Variants in DGKI observed in about 807,000 individuals in gnomAD.
DGKI encodes the protein diacylglycerol kinase iota.
DGKI carries 55 observed loss-of-function variants against 147.5 expected under a neutral mutation model. The observed-to-expected ratio is 0.37, with a 90% confidence interval of 0.30 to 0.47. DGKI has a LOEUF of 0.47. Ranked by LOEUF, DGKI falls within the 20% of genes least tolerant of loss-of-function variation. DGKI has a pLI of 1.00. For missense variants in DGKI, 1,007 were observed against 1,323.8 expected (o/e 0.76, Z 3.71); for synonymous variants, 469 against 477.1 (o/e 0.98, Z 0.22).
At chr7:137,744,254 A>C (rs1172622969) in intron 1 of DGKI, among the ~76,000 whole-genome samples, 2 of 152,194 alleles carry the variant, frequency 1.3e-5, no homozygotes, top group African/African-American at 4.8e-5. Context: ...AATTACTGTG[A>C]ATATCTCTAT....
Position 137,703,075 on chromosome 7 carries a change from T to C in DGKI, c.402-13073A>G, listed in dbSNP as rs1227182807. Among the ~76,000 whole-genome samples the C allele has an allele frequency of 2.0e-5, 3 of 152,082 alleles. No individual in the cohort carries two copies. The East Asian group carries it at 5.8e-4, about 29-fold the overall frequency. On this transcript the variant is annotated intron_variant, in intron 1 of 32. Coordinates refer to ENST00000614521, the MANE Select transcript of DGKI (RefSeq NM_001321708.2). Reference sequence around the variant, plus strand: ...CTATAAAGAACTACCTGAGAGTGGGTAATTTATGAAAAAAAAGAGGTTTAA... The same window carrying C: ...CTATAAAGAACTACCTGAGAGTGGGCAATTTATGAAAAAAAAGAGGTTTAA...
intron 32 of DGKI, among the ~76,000 whole-genome samples, chr7:137,392,169 T>C (rs1421980260): frequency 2.0e-5 from 3 of 152,218 alleles, no homozygotes; most frequent in Non-Finnish European, 4.4e-5. Flanking sequence ...TAAATGATCA[T>C]ATAATTTCTT....
At chr7:137,702,051 GAGA>G (rs1824002626) in intron 1 of DGKI, among the ~76,000 whole-genome samples, 1 of 152,120 alleles carries the variant, frequency 6.6e-6, no homozygotes, top group Non-Finnish European at 1.5e-5. Flanking sequence ...ATCCAATGGA[GAGA>G]AGGTCTTTTC....
At chr7:137,512,722 C>T (rs1453244491) in intron 21 of DGKI, among the ~76,000 whole-genome samples, 1 of 152,150 alleles carries the variant, frequency 6.6e-6, no homozygotes, top group Non-Finnish European at 1.5e-5. Flanking sequence ...TCATTTTAGG[C>T]CCAGTTCTTT....
chr7:137,798,063 A>G (rs749256834), intron 1 of DGKI, among the ~76,000 whole-genome samples: 1 of 152,172 alleles, frequency 6.6e-6, no homozygotes. Flanking sequence ...ACTATAAACA[A>G]CTATATGCCA....
At chr7:137,431,052 A>G (rs1196255286) in intron 28 of DGKI, among the ~76,000 whole-genome samples, 1 of 152,138 alleles carries the variant, frequency 6.6e-6, no homozygotes, top group Non-Finnish European at 1.5e-5. Flanking sequence ...TTAAATATAT[A>G]GCAGAAAGAC....
At position 137,846,785 on chromosome 7, in the gene DGKI, G is replaced by GGCGGCGGCGGCT; in HGVS notation, c.77_78insAGCCGCCGCCGC (p.Ala28_Ala31dup). Reference sequence around the variant, plus strand: ...CGGGCGGGCTGGCGGCGGCGGCGGCGGCGGCTGCAGGAGCGCGGGCAGGTC... The same window carrying GGCGGCGGCGGCT: ...CGGGCGGGCTGGCGGCGGCGGCGGCGGCGGCGGCGGCTGCGGCTGCAGGAGCGCGGGCAGGTC... On this transcript the variant is annotated inframe_insertion, in exon 1 of 33. Transcript: ENST00000614521. The surrounding 1 kb of genome is among the most constrained non-coding windows in gnomAD (Gnocchi z 4.0). 1 of 1,093,824 alleles carries GGCGGCGGCGGCT rather than the reference G, an allele frequency of 9.1e-7. No individual in the cohort carries two copies. Among genetic ancestry groups the GGCGGCGGCGGCT allele is most frequent in the East Asian group, 5.1e-5 (1 of 19,706 alleles). 67.8% of individuals were successfully genotyped at this position (1,093,824 alleles called of 1,614,324 possible).
intron 1 of DGKI, among the ~76,000 whole-genome samples, chr7:137,758,870 T>G (rs1795768864): frequency 6.6e-6 from 1 of 152,116 alleles, no homozygotes; most frequent in Admixed American, 6.5e-5. Flanking sequence ...TCATACCATT[T>G]TTTTACTTTT....
At chr7:137,828,989 A>C (rs1791096223) in intron 1 of DGKI, among the ~76,000 whole-genome samples, 1 of 152,232 alleles carries the variant, frequency 6.6e-6, no homozygotes, top group African/African-American at 2.4e-5. Flanking sequence ...CCTCTTACCC[A>C]AATTTTAGGA....
At chr7:137,630,196 A>G (rs1821080708) in intron 6 of DGKI, among the ~76,000 whole-genome samples, 1 of 152,174 alleles carries the variant, frequency 6.6e-6, no homozygotes, top group Non-Finnish European at 1.5e-5. Context: ...CATTAATAAA[A>G]GACTCTGAAA....
chr7:137,827,572 C>G (rs528631869), intron 1 of DGKI, among the ~76,000 whole-genome samples: 1 of 152,208 alleles, frequency 6.6e-6, no homozygotes, highest in Non-Finnish European at 1.5e-5. Context: ...TCCAAGAAAA[C>G]TTCTCCCAAA....
intron 14 of DGKI, among the ~76,000 whole-genome samples, chr7:137,584,462 C>A (rs557240601): frequency 2.0e-5 from 3 of 152,116 alleles, no homozygotes; most frequent in Non-Finnish European, 4.4e-5. Flanking sequence ...GTTTGCTTTT[C>A]GGTTGAAATA....
At chr7:137,418,287 T>C (rs1443433261) in intron 28 of DGKI, among the ~76,000 whole-genome samples, 1 of 152,228 alleles carries the variant, frequency 6.6e-6, no homozygotes, top group Non-Finnish European at 1.5e-5. Context: ...TTTGAGGCTC[T>C]GCCTTGCAAA....
intron 27 of DGKI, among the ~76,000 whole-genome samples, chr7:137,445,549 TG>T (rs1232290689): frequency 6.6e-6 from 1 of 152,312 alleles, no homozygotes. Flanking sequence ...CCTTTCTCAC[TG>T]GGTTGTAACC....
chr7:137,614,168 T>G (rs1417684243), intron 8 of DGKI, among the ~76,000 whole-genome samples: 4 of 152,116 alleles, frequency 2.6e-5, no homozygotes, highest in Non-Finnish European at 4.4e-5. Flanking sequence ...CAGGCTGTAT[T>G]AAGGAAAGAG....
At chr7:137,447,150 A>T (rs1255142585) in intron 27 of DGKI, among the ~76,000 whole-genome samples, 1 of 152,210 alleles carries the variant, frequency 6.6e-6, no homozygotes, top group Non-Finnish European at 1.5e-5. Flanking sequence ...CAGCAAAATA[A>T]TACAAAACAA....
In DGKI at chr7:137,677,722, A is replaced by AT. The variant is rs869060828; in HGVS notation, c.606+834dup. On this transcript the variant is annotated intron_variant, in intron 3 of 32. Coordinates refer to ENST00000614521, the MANE Select transcript of DGKI (RefSeq NM_001321708.2). Reference sequence around the variant, plus strand: ...TATTTCTTTCACATAATAAACAAATATTTTTTTAAAAAAGAAAAAAGCATT... The same window carrying AT: ...TATTTCTTTCACATAATAAACAAATATTTTTTTTAAAAAAGAAAAAAGCATT... Among the ~76,000 whole-genome samples, 143 of 152,300 alleles carry AT rather than the reference A, an allele frequency of 9.4e-4. 1 individual carries two copies. Among genetic ancestry groups the AT allele is most frequent in the Non-Finnish European group, 1.4e-3 (92 of 68,022 alleles).
intron 1 of DGKI, chr7:137,722,211 C>T (rs972327709): frequency 8.1e-6 from 13 of 1,599,734 alleles, no homozygotes; most frequent in East Asian, 2.2e-5. Context: ...AGTACTCAGC[C>T]GCTAAATCCA....
At chr7:137,398,994 AG>A (rs1811651942) in intron 30 of DGKI, among the ~76,000 whole-genome samples, 1 of 110,208 alleles carries the variant, frequency 9.1e-6, no homozygotes, top group Non-Finnish European at 2.0e-5. Flanking sequence ...ATTTGTTCCC[AG>A]GGTTCCATTT....
Sources: allele counts gnomAD v4.1 joint callset (sites outside exome capture counted in the v4.1 genomes callset), GRCh38; gene constraint gnomAD v4.1.1; non-coding constraint Gnocchi (gnomAD v3.1); transcripts MANE v1.5; gene names NCBI Gene and HGNC (gene_info 2026-07-23, HGNC 2026-07-21).